Variants in PRSS55 observed in about 807,000 individuals in gnomAD.
The protein encoded by PRSS55 is serine protease 55, also known as probable serine protease UNQ9391/PRO34284.
PRSS55 carries 41 observed loss-of-function variants against 23.6 expected under a neutral mutation model. The ratio of observed to expected loss-of-function variants is 1.74; its 90% CI spans 1.35 to 2.26. PRSS55 has a LOEUF of 2.26. Ranked by LOEUF, PRSS55 falls within the 30% of genes most tolerant of loss-of-function variation. The pLI, the probability that PRSS55 is intolerant of heterozygous loss-of-function variation, is 0.00. For missense variants in PRSS55, 669 were observed against 439.1 expected (o/e 1.52, Z -4.68); for synonymous variants, 262 against 175.5 (o/e 1.49, Z -3.90).
At chr8:10,545,788 A>C (rs1448277745) in intron 4 of PRSS55, among the ~76,000 whole-genome samples, 5 of 152,366 alleles carry the variant, frequency 3.3e-5, no homozygotes, top group Admixed American at 1.3e-4. Flanking sequence ...TCAGCGTCCT[A>C]GCCCAGAATA....
In PRSS55 at chr8:10,525,542, C is replaced by A; in HGVS notation, c.-44C>A. 1 of 1,595,204 alleles carries A rather than the reference C, an allele frequency of 6.3e-7. No individual in the cohort carries two copies. The highest frequency in any genetic ancestry group is 8.6e-7 in the Non-Finnish European group (1 of 1,167,596). Reference sequence around the variant, plus strand: ...GAGGCTCTCAGCCTCACTGCCTCAGCCCTGGCCTCTGTCACCCCCGGGCCC... The same window carrying A: ...GAGGCTCTCAGCCTCACTGCCTCAGACCTGGCCTCTGTCACCCCCGGGCCC... On this transcript the variant is annotated 5_prime_UTR_variant, in exon 1 of 5. Coordinates refer to ENST00000328655, the MANE Select transcript of PRSS55 (RefSeq NM_198464.4).
At position 10,528,253 on chromosome 8, in the gene PRSS55, C is replaced by A. The variant is rs562854932; in HGVS notation, c.155-1254C>A. On this transcript the variant is annotated intron_variant, in intron 1 of 4. Coordinates refer to ENST00000328655, the MANE Select transcript of PRSS55 (RefSeq NM_198464.4). ...GAGAGCCTTTATGCATTGCTGAGAGCAGAAGGCTCTGGATGCACATTGCTA... is the reference window on the plus strand; with the variant it reads ...GAGAGCCTTTATGCATTGCTGAGAGAAGAAGGCTCTGGATGCACATTGCTA... Among the ~76,000 whole-genome samples, 10 of 151,026 alleles carry A rather than the reference C, an allele frequency of 6.6e-5. No individual in the cohort carries two copies. In the East Asian group the frequency reaches 2.0e-3, roughly 29 times the overall value.
chr8:10,551,076 G>T (rs1054705927), intron 4 of PRSS55, among the ~76,000 whole-genome samples: 1 of 152,174 alleles, frequency 6.6e-6, no homozygotes, highest in Non-Finnish European at 1.5e-5. Context: ...AGAAGGTCCT[G>T]CAAGTGATGA....
chr8:10,553,721 T>A (rs1412884538), intron 4 of PRSS55, among the ~76,000 whole-genome samples: 1 of 152,246 alleles, frequency 6.6e-6, no homozygotes, highest in African/African-American at 2.4e-5. Flanking sequence ...ACAGCATGGT[T>A]ACTATTGTTA....
chr8:10,526,409 C>G (rs968995906), intron 1 of PRSS55, among the ~76,000 whole-genome samples: 1 of 152,218 alleles, frequency 6.6e-6, no homozygotes, highest in African/African-American at 2.4e-5. Context: ...AGGCTGCATG[C>G]CCTGTGCACA....
chr8:10,525,579 C>T lies in PRSS55; in HGVS notation c.-7C>T, dbSNP rs199930823. 6.8e-6 allele frequency: 11 copies of T among 1,613,610 alleles called. No homozygotes were observed. The highest frequency in any genetic ancestry group is 5.9e-6 in the Non-Finnish European group (7 of 1,179,756). ...TCACCCCCGGGCCCACAGCACAGCCCAGGGCCATGCTCCTGTTCTCAGTGT... is the reference window on the plus strand; with the variant it reads ...TCACCCCCGGGCCCACAGCACAGCCTAGGGCCATGCTCCTGTTCTCAGTGT... On this transcript the variant is annotated 5_prime_UTR_variant, in exon 1 of 5. Transcript: ENST00000328655.
chr8:10,526,724 T>C (rs2117002764), intron 1 of PRSS55, among the ~76,000 whole-genome samples: 1 of 152,356 alleles, frequency 6.6e-6, no homozygotes, highest in South Asian at 2.1e-4. Context: ...ATATGAGAAC[T>C]TCTGCCAGTT....
intron 4 of PRSS55, among the ~76,000 whole-genome samples, chr8:10,536,272 A>G (rs939886194): frequency 2.6e-5 from 4 of 152,202 alleles, no homozygotes; most frequent in Non-Finnish European, 5.9e-5. Flanking sequence ...AAAGCTCAAT[A>G]TCACTAATTA....
chr8:10,553,346 ATG>A (rs965458007), intron 4 of PRSS55, among the ~76,000 whole-genome samples: 1 of 152,230 alleles, frequency 6.6e-6, no homozygotes, highest in African/African-American at 2.4e-5. Flanking sequence ...AGTTTTGGGT[ATG>A]TCTTTATGGC....
In PRSS55 at chr8:10,529,730, C is replaced by T. The variant is rs776257438; in HGVS notation, c.347+31C>T. On this transcript the variant is annotated intron_variant, in intron 2 of 4. Transcript: ENST00000328655. ...TACCATGGGCCTCCCACTGCCACCT[C>T]TCAGGGCGCCCACCCCTGGGGCACC... 12 of 1,593,124 alleles carry T rather than the reference C, an allele frequency of 7.5e-6. No homozygotes were observed. The East Asian group carries it at 2.7e-4, about 36-fold the overall frequency.
At chr8:10,538,343 G>T (rs567430242) in intron 4 of PRSS55, 133 bp from the exon 5 acceptor site, 2 of 687,244 alleles carry the variant, frequency 2.9e-6, no homozygotes, top group East Asian at 5.4e-5. Context: ...TGCTTCTCCC[G>T]TGGAGCAGGG....
chr8:10,538,616 G>C lies in PRSS55; in HGVS notation c.882G>C (p.Trp294Cys). The C allele has an allele frequency of 1.9e-6, 3 of 1,614,116 alleles. No individual in the cohort carries two copies. The highest frequency in any genetic ancestry group is 2.5e-6 in the Non-Finnish European group (3 of 1,180,016). ...CCTCGTTGGTGAACTACAACCTCTG[G>C]ATCGAGAAAGTGACCCAGCTAGAGG... Reference protein sequence around the residue: ...IYTSLVNYNLWIEKVTQLEGR... With the variant: ...IYTSLVNYNLCIEKVTQLEGR... Residue 294 changes from tryptophan (W) to cysteine (C), a missense_variant, in exon 5 of 5, where the codon TGG becomes TGC. Trp to Cys is a radical substitution (Grantham distance 215, BLOSUM62 -2). Coordinates refer to ENST00000328655, the MANE Select transcript of PRSS55 (RefSeq NM_198464.4).
In PRSS55 at chr8:10,525,665, C is replaced by A; in HGVS notation, c.80C>A (p.Ala27Asp). Residue 27 changes from alanine (A) to aspartate (D), a missense_variant, in exon 1 of 5, where the codon GCT becomes GAT. Ala to Asp is a moderately radical substitution (Grantham distance 126, BLOSUM62 -2). Coordinates refer to ENST00000328655, the MANE Select transcript of PRSS55 (RefSeq NM_198464.4). ...GGTCCACGGACTCCTCTCCCAGAGG[C>A]TGGAGTGGCTATCCTAGGCAGGGCT... ...QLGPRTPLPE[A>D]GVAILGRARG... The A allele has an allele frequency of 6.2e-7, 1 of 1,614,154 alleles. No individual in the cohort carries two copies. Among genetic ancestry groups the A allele is most frequent in the African/African-American group, 1.3e-5 (1 of 75,066 alleles).
At chr8:10,533,458 G>C (rs1812344325) in intron 4 of PRSS55, among the ~76,000 whole-genome samples, 1 of 152,166 alleles carries the variant, frequency 6.6e-6, no homozygotes, top group African/African-American at 2.4e-5. Flanking sequence ...CCTTACCTAA[G>C]GGACCCTACA....
downstream of PRSS55, among the ~76,000 whole-genome samples, chr8:10,543,693 T>C (rs1404781431): frequency 7.0e-6 from 1 of 143,102 alleles, no homozygotes; most frequent in African/African-American, 2.5e-5. Context: ...TCCATCTCAG[T>C]GCTGCTTTAG....
chr8:10,526,525 A>G (rs1047804785), intron 1 of PRSS55, among the ~76,000 whole-genome samples: 3 of 152,244 alleles, frequency 2.0e-5, no homozygotes, highest in African/African-American at 7.2e-5. Context: ...AGGGGAGAGC[A>G]TCAGCAGAAT....
chr8:10,549,411 A>G (rs6601484), intron 4 of PRSS55, among the ~76,000 whole-genome samples: 151,866 of 152,312 alleles, frequency 1, 75,714 homozygotes, highest in Middle Eastern at 1. Context: ...GGGATGGCCC[A>G]AGTTGATGGC....
At chr8:10,533,949 G>A (rs534817299) in intron 4 of PRSS55, among the ~76,000 whole-genome samples, 17 of 152,280 alleles carry the variant, frequency 1.1e-4, no homozygotes, top group South Asian at 4.2e-4. Flanking sequence ...ACTGAAACAG[G>A]GGTTGGAGGC....
At chr8:10,541,381 C>G (rs1339178706), downstream of PRSS55, 1 of 152,196 alleles carries the variant, frequency 6.6e-6, no homozygotes, top group African/African-American at 2.4e-5. Flanking sequence ...AATGATTGGC[C>G]TCCCCACACA....
Sources: allele counts gnomAD v4.1 joint callset (sites outside exome capture counted in the v4.1 genomes callset), GRCh38; gene constraint gnomAD v4.1.1; transcripts MANE v1.5; gene names NCBI Gene and HGNC (gene_info 2026-07-23, HGNC 2026-07-21).